Variants in MYT1L observed in about 807,000 individuals in gnomAD.
MYT1L encodes myelin transcription factor 1-like protein.
A neutral mutation model predicts 126.7 loss-of-function variants in MYT1L; 12 were observed. That is an observed-to-expected ratio of 0.09 (90% CI 0.06 to 0.15). MYT1L has a LOEUF of 0.15. Ranked by LOEUF, MYT1L falls within the 10% of genes least tolerant of loss-of-function variation. MYT1L has a pLI of 1.00. For missense variants in MYT1L, 979 were observed against 1,585.2 expected (o/e 0.62, Z 6.49); for synonymous variants, 541 against 604.2 (o/e 0.90, Z 1.53).
intron 1 of MYT1L, among the ~76,000 whole-genome samples, chr2:2,299,251 G>T (rs2095747524): frequency 6.6e-6 from 1 of 152,224 alleles, no homozygotes; most frequent in Admixed American, 6.5e-5. Context: ...CTAAGGGGGA[G>T]CACCCATCAA....
intron 21 of MYT1L, chr2:1,828,138 T>A (rs2039622396): frequency 6.6e-6 from 1 of 152,066 alleles, no homozygotes. Flanking sequence ...GCGCGTTGGT[T>A]GAATGTTTAC....
intron 3 of MYT1L, among the ~76,000 whole-genome samples, chr2:2,156,198 T>G (rs891453059): frequency 6.6e-6 from 1 of 152,244 alleles, no homozygotes; most frequent in Admixed American, 6.5e-5. Context: ...TGGGAAGCTG[T>G]GCTAGGAGGA....
intron 3 of MYT1L, among the ~76,000 whole-genome samples, chr2:2,108,852 C>T (rs1005072929): frequency 9.2e-5 from 14 of 152,158 alleles, no homozygotes; most frequent in African/African-American, 3.4e-4. Flanking sequence ...ATTTTCTACA[C>T]CTCCTGCAGT....
chr2:1,956,441 C>CCTAT (rs1553355360), intron 8 of MYT1L, among the ~76,000 whole-genome samples: 690 of 36,434 alleles, frequency 0.019, 119 homozygotes, highest in African/African-American at 0.05. Context: ...TATCTATCTA[C>CCTAT]CTATCATCTA....
chr2:1,971,749 A>G (rs1358481649), intron 8 of MYT1L, among the ~76,000 whole-genome samples: 2 of 152,094 alleles, frequency 1.3e-5, no homozygotes. Flanking sequence ...AAACAAAACA[A>G]AAGAAAAAAC....
chr2:1,985,787 G>A (rs1051794746), intron 5 of MYT1L, among the ~76,000 whole-genome samples: 1 of 152,204 alleles, frequency 6.6e-6, no homozygotes, highest in Non-Finnish European at 1.5e-5. Context: ...AGGCCCCCTA[G>A]AGGGGAGCTC....
At chr2:2,058,275 G>T (rs192434818) in intron 3 of MYT1L, among the ~76,000 whole-genome samples, 188 of 152,194 alleles carry the variant, frequency 1.2e-3, no homozygotes, top group African/African-American at 4.0e-3. Context: ...TTACTACATT[G>T]TTTTAAATCG....
chr2:1,892,004 G>A lies in MYT1L; in HGVS notation c.2283+33C>T, dbSNP rs541730190. 4.9e-5 allele frequency: 72 copies of A among 1,480,304 alleles called. 1 individual carries two copies. Among genetic ancestry groups the A allele is most frequent in the East Asian group, 3.3e-4 (13 of 39,764 alleles). 91.7% of individuals were successfully genotyped at this position (1,480,304 alleles called of 1,614,324 possible). A position where few individuals can be genotyped will look rare whatever the true frequency, so the allele number is the denominator to read the frequency against. On this transcript the variant is annotated intron_variant, in intron 15 of 24. Coordinates refer to ENST00000647738, the MANE Select transcript of MYT1L (RefSeq NM_001303052.2). ...GTCCGCGGCCCGGCCTCCCCCACCC[G>A]CCAGGTGGCTCCACCTGCCCAGGCG...
intron 2 of MYT1L, among the ~76,000 whole-genome samples, chr2:2,195,619 T>A (rs982796803): frequency 1.3e-5 from 2 of 152,004 alleles, no homozygotes; most frequent in Non-Finnish European, 2.9e-5. Context: ...AACAAATACA[T>A]TGAGACTCAC....
At chr2:2,149,015 G>A (rs1041874016) in intron 3 of MYT1L, among the ~76,000 whole-genome samples, 1 of 151,828 alleles carries the variant, frequency 6.6e-6, no homozygotes, top group Non-Finnish European at 1.5e-5. Context: ...TTCTGGAGGC[G>A]GCTGTCACCA....
chr2:2,002,461 G>T (rs988835283), intron 4 of MYT1L, among the ~76,000 whole-genome samples: 1 of 152,158 alleles, frequency 6.6e-6, no homozygotes, highest in Admixed American at 6.5e-5. Context: ...GCTTCAGTTG[G>T]TCTGTCATTG....
chr2:1,922,154 G>A lies in MYT1L; in HGVS notation c.1483+132C>T, dbSNP rs117642653. 8.9e-4 allele frequency: 1,068 copies of A among 1,199,936 alleles called. 10 individuals are homozygous for A. In the East Asian group the frequency reaches 0.023, roughly 26 times the overall value. The allele number at this position is 1,199,936 out of a possible 1,614,324, so 74.3% of individuals were successfully genotyped here. On this transcript the variant is annotated intron_variant, in intron 10 of 24. Coordinates refer to ENST00000647738, the MANE Select transcript of MYT1L (RefSeq NM_001303052.2). This position sits in a 1 kb window ranked among gnomAD's most constrained non-coding sequence, Gnocchi z 7.4. ...AAACGTAATCACAAAATATCCTTCT[G>A]GAATCAACTCTAAGAATGTGCAGTA...
At chr2:2,189,496 C>T (rs1023247933) in intron 2 of MYT1L, among the ~76,000 whole-genome samples, 7 of 152,168 alleles carry the variant, frequency 4.6e-5, no homozygotes, top group African/African-American at 1.4e-4. Context: ...GAAACAATGA[C>T]GCTCTTTCAA....
chr2:1,854,485 C>A (rs1426993994), intron 18 of MYT1L, among the ~76,000 whole-genome samples: 2 of 152,140 alleles, frequency 1.3e-5, no homozygotes, highest in Non-Finnish European at 2.9e-5. Context: ...CTGCTGAAGT[C>A]TACACCAATG....
chr2:1,971,601 T>C (rs1204494474), intron 8 of MYT1L, among the ~76,000 whole-genome samples: 2 of 152,052 alleles, frequency 1.3e-5, no homozygotes, highest in African/African-American at 2.4e-5. Context: ...CGTGGTGGCA[T>C]GCACCTGTAG....
At chr2:1,972,155 C>T (rs1042591005) in intron 8 of MYT1L, among the ~76,000 whole-genome samples, 10 of 152,062 alleles carry the variant, frequency 6.6e-5, no homozygotes, top group South Asian at 2.1e-4. Flanking sequence ...TTGGAGGCTG[C>T]GTGCACAGAA....
intron 18 of MYT1L, among the ~76,000 whole-genome samples, chr2:1,871,116 A>G (rs528579751): frequency 2.6e-5 from 4 of 152,260 alleles, no homozygotes; most frequent in African/African-American, 9.6e-5. Context: ...GAGTCGGTCT[A>G]ATCCGTGGCC....
At position 1,858,004 on chromosome 2, in the gene MYT1L, G is replaced by C. The variant is rs911139681; in HGVS notation, c.2712-6301C>G. 7.2e-5 allele frequency among the ~76,000 whole-genome samples: 11 copies of C among 152,046 alleles called. No homozygotes were observed. The South Asian group carries it at 8.3e-4, about 11-fold the overall frequency. ...CAGCCTTCCCAGCAGCTGGGATTAC[G>C]GGCATGCACCACCATACCCAGCTAA... On this transcript the variant is annotated intron_variant, in intron 18 of 24. Coordinates refer to ENST00000647738, the MANE Select transcript of MYT1L (RefSeq NM_001303052.2).
At chr2:2,016,245 C>T (rs549782795) in intron 4 of MYT1L, among the ~76,000 whole-genome samples, 21 of 152,242 alleles carry the variant, frequency 1.4e-4, no homozygotes, top group Non-Finnish European at 1.0e-4. Flanking sequence ...TGCACAGACA[C>T]GTGATATGCC....
Sources: allele counts gnomAD v4.1 joint callset (sites outside exome capture counted in the v4.1 genomes callset), GRCh38; gene constraint gnomAD v4.1.1; non-coding constraint Gnocchi (gnomAD v3.1); transcripts MANE v1.5; gene names NCBI Gene and HGNC (gene_info 2026-07-23, HGNC 2026-07-21).